The following CNTN5 variants were observed in gnomAD, a reference collection of about 807,000 sequenced individuals.
The protein encoded by CNTN5 is contactin 5.
A neutral mutation model predicts 129.1 loss-of-function variants in CNTN5; 77 were observed. The observed-to-expected ratio is 0.60, with a 90% confidence interval of 0.50 to 0.72. The LOEUF is 0.72. Among genes scored for constraint, CNTN5 ranks in the 30% least tolerant of loss-of-function variants. The probability of loss-of-function intolerance (pLI) is 0.00; values close to 1 mark genes in which losing one functional copy is unlikely to be tolerated. For synonymous variants in CNTN5, 509 were observed against 465.6 expected (o/e 1.09, Z -1.20); for missense variants, 1,478 against 1,328.8 (o/e 1.11, Z -1.75).
At position 99,934,940 on chromosome 11, in the gene CNTN5, A is replaced by G. The variant is rs1327227001; in HGVS notation, c.673+18791A>G. 2.3e-4 allele frequency among the ~76,000 whole-genome samples: 20 copies of G among 87,450 alleles called. No individual in the cohort carries two copies. The East Asian group carries it at 4.6e-3, about 20-fold the overall frequency. 57.4% of individuals were successfully genotyped at this position (87,450 alleles called of 152,430 possible). On this transcript the variant is annotated intron_variant, in intron 7 of 24. Transcript: ENST00000524871. ...TATATATATATATATATATATATATATATATATACACACACATATATATGG... is the reference window on the plus strand; with the variant it reads ...TATATATATATATATATATATATATGTATATATACACACACATATATATGG...
rs541127915 is a variant in CNTN5 at position 100,218,199 on chromosome 11, C to T, written c.1885-6493C>T. The stretch of plus-strand genomic sequence containing the variant: ...ATATACCAACGCCTGGATAGCCTTA[C>T]ACCAAACATTCAGTATAAAATGTAA... On this transcript the variant is annotated intron_variant, in intron 15 of 24. Transcript: ENST00000524871. Among the ~76,000 whole-genome samples the T allele has an allele frequency of 1.1e-4, 16 of 152,312 alleles. No homozygotes were observed. The South Asian group carries it at 2.9e-3, about 28-fold the overall frequency.
chr11:100,021,380 T>C (rs530992015), intron 9 of CNTN5, among the ~76,000 whole-genome samples: 5 of 152,182 alleles, frequency 3.3e-5, no homozygotes, highest in Non-Finnish European at 7.4e-5. Context: ...GATTTCTGTC[T>C]AGTTCTTCTG....
chr11:100,286,351 T>A (rs1380344863), intron 18 of CNTN5, among the ~76,000 whole-genome samples: 1 of 151,780 alleles, frequency 6.6e-6, no homozygotes, highest in Non-Finnish European at 1.5e-5. Context: ...GACTTAAATG[T>A]CCCTGTCTGA....
intron 15 of CNTN5, among the ~76,000 whole-genome samples, chr11:100,219,887 A>G (rs572974862): frequency 2.6e-5 from 4 of 152,338 alleles, no homozygotes; most frequent in Admixed American, 1.3e-4. Context: ...ACAATATTAA[A>G]ACCCATATCA....
chr11:99,974,927 T>C (rs2137323754), intron 8 of CNTN5, among the ~76,000 whole-genome samples: 1 of 152,360 alleles, frequency 6.6e-6, no homozygotes, highest in African/African-American at 2.4e-5. Context: ...TCCACTTGTT[T>C]AATAAATAAA....
At chr11:99,638,312 C>T (rs1464243217) in intron 3 of CNTN5, among the ~76,000 whole-genome samples, 2 of 152,128 alleles carry the variant, frequency 1.3e-5, no homozygotes, top group Non-Finnish European at 2.9e-5. Flanking sequence ...CCTTCCACAA[C>T]ATGTGGGAAT....
intron 1 of CNTN5, among the ~76,000 whole-genome samples, chr11:99,031,253 T>G (rs180945971): frequency 6.6e-6 from 1 of 152,318 alleles, no homozygotes; most frequent in East Asian, 1.9e-4. Flanking sequence ...GTAGCTTTTT[T>G]GGATTGGCTA....
chr11:99,215,327 A>G (rs1299691856), intron 1 of CNTN5, among the ~76,000 whole-genome samples: 1 of 152,186 alleles, frequency 6.6e-6, no homozygotes, highest in Non-Finnish European at 1.5e-5. Context: ...ACAGAGAGCA[A>G]TGAGGAGGCT....
intron 3 of CNTN5, among the ~76,000 whole-genome samples, chr11:99,780,700 AGT>A (rs1219928106): frequency 6.6e-6 from 1 of 152,076 alleles, no homozygotes; most frequent in Non-Finnish European, 1.5e-5. Flanking sequence ...AATACTTCAA[AGT>A]GTTTAATCCT....
intron 9 of CNTN5, among the ~76,000 whole-genome samples, chr11:100,058,062 A>G (rs1044679018): frequency 1.3e-5 from 2 of 152,144 alleles, no homozygotes; most frequent in Admixed American, 6.6e-5. Context: ...CTACTAGAAT[A>G]TGTAACCAGC....
intron 2 of CNTN5, among the ~76,000 whole-genome samples, chr11:99,553,989 C>CAT (rs1948585339): frequency 3.7e-5 from 5 of 135,786 alleles, no homozygotes; most frequent in Admixed American, 1.5e-4. Context: ...CACACACACA[C>CAT]ACACACATAC....
At chr11:99,319,381 G>C (rs767345985) in intron 1 of CNTN5, among the ~76,000 whole-genome samples, 5 of 152,116 alleles carry the variant, frequency 3.3e-5, no homozygotes, top group Non-Finnish European at 5.9e-5. Flanking sequence ...TTCTTCAGGT[G>C]GAAGTCACCT....
intron 3 of CNTN5, among the ~76,000 whole-genome samples, chr11:99,620,390 T>A (rs914173654): frequency 6.6e-6 from 1 of 151,918 alleles, no homozygotes; most frequent in Non-Finnish European, 1.5e-5. Flanking sequence ...TGCCAGCATA[T>A]AATATTTAAT....
chr11:99,079,295 G>A (rs1188402924), intron 1 of CNTN5, among the ~76,000 whole-genome samples: 1 of 152,088 alleles, frequency 6.6e-6, no homozygotes, highest in Non-Finnish European at 1.5e-5. Context: ...AGGAAATACT[G>A]TATTAAGACT....
chr11:99,098,663 C>A (rs375380165), intron 1 of CNTN5, among the ~76,000 whole-genome samples: 9 of 152,196 alleles, frequency 5.9e-5, no homozygotes, highest in African/African-American at 2.2e-4. Flanking sequence ...TTCCTGAATT[C>A]TTCTTAAAGA....
At chr11:100,119,310 C>G (rs1469488274) in intron 13 of CNTN5, among the ~76,000 whole-genome samples, 2 of 151,892 alleles carry the variant, frequency 1.3e-5, no homozygotes, top group Admixed American at 6.6e-5. Context: ...ATTTATGTTT[C>G]TCCTTGGGGG....
intron 2 of CNTN5, among the ~76,000 whole-genome samples, chr11:99,474,654 C>A (rs562565465): frequency 1.3e-5 from 2 of 152,126 alleles, no homozygotes; most frequent in African/African-American, 2.4e-5. Context: ...ATGGAGAACA[C>A]CCAACTTTGC....
At chr11:99,632,544 T>C (rs2135807235) in intron 3 of CNTN5, among the ~76,000 whole-genome samples, 1 of 152,242 alleles carries the variant, frequency 6.6e-6, no homozygotes, top group South Asian at 2.1e-4. Context: ...CTTTCTTTAC[T>C]TGTACCCCAA....
chr11:100,236,135 C>G (rs78179800), intron 16 of CNTN5, among the ~76,000 whole-genome samples: 5 of 152,294 alleles, frequency 3.3e-5, no homozygotes, highest in African/African-American at 1.2e-4. Flanking sequence ...GGGAACATCA[C>G]GTGCACGGAT....
Sources: allele counts gnomAD v4.1 joint callset (sites outside exome capture counted in the v4.1 genomes callset), GRCh38; gene constraint gnomAD v4.1.1; transcripts MANE v1.5; gene names NCBI Gene and HGNC (gene_info 2026-07-23, HGNC 2026-07-21).